The following PCDHGA6 variants were observed in gnomAD, a reference collection of about 807,000 sequenced individuals.
PCDHGA6 encodes the protein protocadherin gamma subfamily A, 6.
Under a neutral mutation model 60.6 loss-of-function variants are expected in PCDHGA6, and 41 were observed. The ratio of observed to expected loss-of-function variants is 0.68; its 90% CI spans 0.53 to 0.88. The LOEUF (loss-of-function observed/expected upper bound fraction) is 0.88, where lower values mean the gene tolerates loss of function less well. PCDHGA6 is among the 40% of genes least tolerant of loss of function. The pLI, the probability that PCDHGA6 is intolerant of heterozygous loss-of-function variation, is 0.00. For missense variants in PCDHGA6, 1,312 were observed against 1,203.0 expected, an observed-to-expected ratio of 1.09 and a Z score of -1.34; for synonymous variants, 594 against 524.4, an observed-to-expected ratio of 1.13 and a Z score of -1.81.
intron 1 of PCDHGA6, chr5:141,389,425 C>G (rs1464186383): frequency 6.2e-7 from 1 of 1,613,500 alleles, no homozygotes. Context: ...GTGGTGTTCG[C>G]GCAGCGCGCC....
intron 2 of PCDHGA6, among the ~76,000 whole-genome samples, chr5:141,500,289 A>G (rs1440166636): frequency 6.6e-6 from 1 of 151,486 alleles, no homozygotes; most frequent in African/African-American, 2.4e-5. Flanking sequence ...GCTCACTGCA[A>G]GCTCCGCCTC....
intron 1 of PCDHGA6, chr5:141,383,069 G>A (rs370612007): frequency 6.2e-7 from 1 of 1,613,886 alleles, no homozygotes; most frequent in South Asian, 1.1e-5. Flanking sequence ...CTGGAGCCCC[G>A]GGAGCTGGCG....
intron 1 of PCDHGA6, chr5:141,404,714 G>T (rs776337117): frequency 6.2e-7 from 1 of 1,614,068 alleles, no homozygotes; most frequent in Non-Finnish European, 8.5e-7. Context: ...TGGCTACCTG[G>T]TGACCAAGGT....
At chr5:141,455,503 T>C (rs1005615473) in intron 1 of PCDHGA6, among the ~76,000 whole-genome samples, 3 of 152,302 alleles carry the variant, frequency 2.0e-5, no homozygotes, top group Middle Eastern at 3.4e-3. Context: ...CTGATTTGCA[T>C]AGGGCTCAGG....
At chr5:141,410,803 C>A in intron 1 of PCDHGA6, 11 of 409,880 alleles carry the variant, frequency 2.7e-5, no homozygotes, top group East Asian at 1.2e-4. Context: ...GTTGCTCTAT[C>A]TTTTTGTAAA....
At chr5:141,452,119 TTCATATATGGC>T (rs1472213897) in intron 1 of PCDHGA6, among the ~76,000 whole-genome samples, 3 of 152,250 alleles carry the variant, frequency 2.0e-5, no homozygotes, top group African/African-American at 7.2e-5. Flanking sequence ...TTCTTATTTA[TTCATATATGGC>T]TCATGTGTTT....
chr5:141,497,502 T>C (rs1216218103), intron 2 of PCDHGA6, among the ~76,000 whole-genome samples: 1 of 151,628 alleles, frequency 6.6e-6, no homozygotes, highest in East Asian at 1.9e-4. Flanking sequence ...CTCTCCTCTC[T>C]CTGCTTCCTT....
intron 1 of PCDHGA6, chr5:141,383,229 G>A: frequency 6.2e-7 from 1 of 1,613,958 alleles, no homozygotes. Flanking sequence ...ACATCCTGAT[G>A]GAAGATAAAA....
rs977174958 is a variant in PCDHGA6, at chr5:141,394,524, G to C, written c.2424+18017G>C. 3.7e-6 allele frequency: 6 copies of C among 1,614,096 alleles called. No homozygotes were observed. The African/African-American group carries it at 6.7e-5, about 18-fold the overall frequency. ...CCTGTACCCCGCCCTCCCCACAGAC[G>C]GTTCCACTGGCGTGGAGCTGGCGCC... On this transcript the variant is annotated intron_variant, in intron 1 of 3. Coordinates refer to ENST00000517434, the MANE Select transcript of PCDHGA6 (RefSeq NM_018919.3).
chr5:141,399,194 C>A (rs770516092), intron 1 of PCDHGA6: 24 of 1,613,720 alleles, frequency 1.5e-5, no homozygotes, highest in Non-Finnish European at 1.5e-5. Context: ...CTGGAAAACG[C>A]GGTGCCTGGA....
chr5:141,509,882 GTGAC>G (rs1186067105), intron 3 of PCDHGA6, among the ~76,000 whole-genome samples: 1 of 152,182 alleles, frequency 6.6e-6, no homozygotes, highest in Non-Finnish European at 1.5e-5. Context: ...GGTGGTGATG[GTGAC>G]TGACTGTCCC....
chr5:141,395,559 T>TA (rs2093276349), intron 1 of PCDHGA6: 2 of 220,962 alleles, frequency 9.1e-6, no homozygotes, highest in Admixed American at 1.1e-4. Flanking sequence ...TGTGTGTGTG[T>TA]GTGTGTGTGT....
chr5:141,413,286 C>G, intron 1 of PCDHGA6: 1 of 1,613,968 alleles, frequency 6.2e-7, no homozygotes, highest in Non-Finnish European at 8.5e-7. Flanking sequence ...AGATCTCCTA[C>G]TCAATTCCTG....
intron 1 of PCDHGA6, chr5:141,404,860 T>C (rs3749769): frequency 0.09 from 144,859 of 1,613,622 alleles, 7,500 homozygotes; most frequent in African/African-American, 0.18. Context: ...TAGATAGAGA[T>C]GCGCTCAAAC....
At chr5:141,479,573 C>A (rs1468041584) in intron 1 of PCDHGA6, 1 of 152,230 alleles carries the variant, frequency 6.6e-6, no homozygotes, top group Admixed American at 6.5e-5. Flanking sequence ...GGGATGACAT[C>A]TGTGAATAGC....
chr5:141,436,998 A>G (rs985067199), intron 1 of PCDHGA6, among the ~76,000 whole-genome samples: 23 of 152,242 alleles, frequency 1.5e-4, no homozygotes, highest in South Asian at 2.1e-4. Flanking sequence ...GTTTACTTCA[A>G]TGGGATCTTA....
rs775654786 is a variant in PCDHGA6 at position 141,491,718 on chromosome 5, G to A, written c.2425-3089G>A. Reference sequence around the variant, plus strand: ...GGAGCCAGGTGAGGGGCTCGGCGCCGCCCCGGGCGACCCCTGGGGGCGGCA... The same window carrying A: ...GGAGCCAGGTGAGGGGCTCGGCGCCACCCCGGGCGACCCCTGGGGGCGGCA... On this transcript the variant is annotated intron_variant, in intron 1 of 3. Coordinates refer to ENST00000517434, the MANE Select transcript of PCDHGA6 (RefSeq NM_018919.3). This position sits in a 1 kb window ranked among gnomAD's most constrained non-coding sequence, Gnocchi z 6.9. 1 of 1,607,600 alleles carries A rather than the reference G, an allele frequency of 6.2e-7. No homozygotes were observed. The highest frequency in any genetic ancestry group is 2.2e-5 in the East Asian group (1 of 44,690).
rs1416755901 is a variant in PCDHGA6 at position 141,489,721 on chromosome 5, G to C, written c.2425-5086G>C. The C allele has an allele frequency of 6.2e-7, 1 of 1,614,016 alleles. No homozygotes were observed. The highest frequency in any genetic ancestry group is 8.5e-7 in the Non-Finnish European group (1 of 1,179,966). On this transcript the variant is annotated intron_variant, in intron 1 of 3. Coordinates refer to ENST00000517434, the MANE Select transcript of PCDHGA6 (RefSeq NM_018919.3). The surrounding 1 kb of genome is among the most constrained non-coding windows in gnomAD (Gnocchi z 4.5). ...CCCACTGGACAGTGCCCAGGATCCGGATGTGGGCACCAATACTGTGAGCTT... is the reference window on the plus strand; with the variant it reads ...CCCACTGGACAGTGCCCAGGATCCGCATGTGGGCACCAATACTGTGAGCTT...
At chr5:141,501,013 C>T (rs1456343329) in intron 2 of PCDHGA6, among the ~76,000 whole-genome samples, 2 of 151,970 alleles carry the variant, frequency 1.3e-5, no homozygotes, top group Non-Finnish European at 2.9e-5. Context: ...GGACTACAGG[C>T]ACGCGCCACC....
Sources: allele counts gnomAD v4.1 joint callset (sites outside exome capture counted in the v4.1 genomes callset), GRCh38; gene constraint gnomAD v4.1.1; non-coding constraint Gnocchi (gnomAD v3.1); transcripts MANE v1.5; gene names NCBI Gene and HGNC (gene_info 2026-07-23, HGNC 2026-07-21).